The following CHN2 variants were observed in gnomAD, a reference collection of about 807,000 sequenced individuals.
The protein encoded by CHN2 is chimerin 2, also known as beta-chimaerin.
Under a neutral mutation model 56.3 loss-of-function variants are expected in CHN2, and 35 were observed. The observed-to-expected ratio is 0.62, with a 90% confidence interval of 0.47 to 0.82. The LOEUF is 0.82. CHN2 is among the 40% of genes least tolerant of loss of function. The pLI is 0.00. For synonymous variants in CHN2, 210 were observed against 212.8 expected (o/e 0.99, Z 0.12); for missense variants, 491 against 580.5 (o/e 0.85, Z 1.58).
chr7:29,360,435 C>T (rs1798647211), intron 2 of CHN2, among the ~76,000 whole-genome samples: 1 of 152,080 alleles, frequency 6.6e-6, no homozygotes. Flanking sequence ...GCAGGAGAAT[C>T]CTTGAAGCCA....
intron 4 of CHN2, among the ~76,000 whole-genome samples, chr7:29,394,163 T>G (rs2128076310): frequency 6.6e-6 from 1 of 152,308 alleles, no homozygotes; most frequent in South Asian, 2.1e-4. Context: ...AAAACCCAAA[T>G]GATGATATCT....
intron 6 of CHN2, among the ~76,000 whole-genome samples, chr7:29,452,138 T>C (rs1429311396): frequency 6.6e-6 from 1 of 152,242 alleles, no homozygotes; most frequent in Non-Finnish European, 1.5e-5. Flanking sequence ...TTATTTTGCA[T>C]AGACCCCTAC....
rs56742197 is a variant in CHN2, at chr7:29,457,300, CAG to C, written c.577-22974_577-22973del. Among the ~76,000 whole-genome samples, 327 of 152,266 alleles carry C rather than the reference CAG, an allele frequency of 2.1e-3. 2 individuals are homozygous for C. Among genetic ancestry groups the C allele is most frequent in the African/African-American group, 7.3e-3 (305 of 41,548 alleles). ...CCTTGAAGCTGCCACATTCTCTGCA[CAG>C]AGAGTCACGTCTGTGCTCCCGCTGA... On this transcript the variant is annotated intron_variant, in intron 6 of 12. Coordinates refer to ENST00000222792, the MANE Select transcript of CHN2 (RefSeq NM_004067.4).
intron 3 of CHN2, among the ~76,000 whole-genome samples, chr7:29,389,138 G>A (rs1410133307): frequency 2.6e-5 from 4 of 151,666 alleles, no homozygotes; most frequent in African/African-American, 9.7e-5. Context: ...AGAGTGTTGG[G>A]AATGTCTCTT....
intron 1 of CHN2, among the ~76,000 whole-genome samples, chr7:29,326,612 G>C (rs532306518): frequency 6.6e-6 from 1 of 152,108 alleles, no homozygotes; most frequent in African/African-American, 2.4e-5. Context: ...TTGAAGAAAG[G>C]TTTTTGTTGT....
At chr7:29,309,545 T>C (rs1794432180) in intron 1 of CHN2, among the ~76,000 whole-genome samples, 1 of 152,226 alleles carries the variant, frequency 6.6e-6, no homozygotes, top group African/African-American at 2.4e-5. Flanking sequence ...TCCTTTTCTT[T>C]CCCATTGTCA....
chr7:29,406,602 G>GT (rs1802670786), intron 6 of CHN2, among the ~76,000 whole-genome samples: 2 of 152,004 alleles, frequency 1.3e-5, no homozygotes, highest in South Asian at 2.1e-4. Flanking sequence ...CTTTATGAGA[G>GT]TTCATCACCC....
At chr7:29,329,034 AC>A (rs1481624438) in intron 1 of CHN2, among the ~76,000 whole-genome samples, 1 of 152,180 alleles carries the variant, frequency 6.6e-6, no homozygotes, top group Non-Finnish European at 1.5e-5. Context: ...TAAAAGGGCC[AC>A]ATGGAATCCT....
intron 1 of CHN2, among the ~76,000 whole-genome samples, chr7:29,204,298 A>T (rs1275836795): frequency 1.3e-5 from 2 of 152,324 alleles, no homozygotes; most frequent in East Asian, 3.9e-4. Context: ...ATATAAGTTA[A>T]TATCAAGGGA....
intron 1 of CHN2, among the ~76,000 whole-genome samples, chr7:29,261,453 T>C (rs1489487107): frequency 6.6e-6 from 1 of 152,184 alleles, no homozygotes; most frequent in Non-Finnish European, 1.5e-5. Context: ...CAGGTGTTCC[T>C]TCTTAGAACC....
chr7:29,366,558 T>C (rs1799177926), intron 2 of CHN2, among the ~76,000 whole-genome samples: 1 of 152,196 alleles, frequency 6.6e-6, no homozygotes, highest in Non-Finnish European at 1.5e-5. Flanking sequence ...ATTGGTTCAT[T>C]GGGATCTGAA....
chr7:29,203,261 G>A (rs935016234), intron 1 of CHN2, among the ~76,000 whole-genome samples: 1 of 152,138 alleles, frequency 6.6e-6, no homozygotes, highest in African/African-American at 2.4e-5. Flanking sequence ...GAGGTCAGGA[G>A]TTTGAGATCA....
At chr7:29,204,288 A>G (rs1784374991) in intron 1 of CHN2, among the ~76,000 whole-genome samples, 1 of 152,160 alleles carries the variant, frequency 6.6e-6, no homozygotes, top group Non-Finnish European at 1.5e-5. Context: ...TTTATATCGT[A>G]TATAAGTTAA....
intron 1 of CHN2, among the ~76,000 whole-genome samples, chr7:29,322,195 G>C (rs543432583): frequency 6.6e-6 from 1 of 152,174 alleles, no homozygotes; most frequent in Non-Finnish European, 1.5e-5. Context: ...TTCTCACATC[G>C]TTTCCTAAAG....
intron 2 of CHN2, among the ~76,000 whole-genome samples, chr7:29,163,561 T>G (rs2128714231): frequency 6.6e-6 from 1 of 152,280 alleles, no homozygotes; most frequent in East Asian, 1.9e-4. Context: ...TTTTACAATC[T>G]TATTAAGGTA....
intron 1 of CHN2, among the ~76,000 whole-genome samples, chr7:29,236,544 A>T (rs868520681): frequency 1.6e-4 from 24 of 152,230 alleles, no homozygotes; most frequent in African/African-American, 5.3e-4. Context: ...CTTCTCCCTT[A>T]GCCTGGACCC....
chr7:29,200,978 C>T (rs535518488), intron 1 of CHN2, among the ~76,000 whole-genome samples: 1 of 152,248 alleles, frequency 6.6e-6, no homozygotes, highest in African/African-American at 2.4e-5. Flanking sequence ...CCCTGCCTTT[C>T]TCCTCATTTA....
intron 3 of CHN2, among the ~76,000 whole-genome samples, chr7:29,390,310 A>G (rs1199142988): frequency 6.6e-6 from 1 of 152,114 alleles, no homozygotes; most frequent in East Asian, 1.9e-4. Flanking sequence ...AGCTGCTTTC[A>G]CTTCTTGGAG....
intron 6 of CHN2, among the ~76,000 whole-genome samples, chr7:29,465,050 C>T (rs145828534): frequency 2.0e-5 from 3 of 152,284 alleles, no homozygotes; most frequent in African/African-American, 7.2e-5. Flanking sequence ...TAAAACACAT[C>T]CCCTTCTTGC....
Sources: allele counts gnomAD v4.1 joint callset (sites outside exome capture counted in the v4.1 genomes callset), GRCh38; gene constraint gnomAD v4.1.1; transcripts MANE v1.5; gene names NCBI Gene and HGNC (gene_info 2026-07-23, HGNC 2026-07-21).